The following MAP2 variants were observed in gnomAD, a reference collection of about 807,000 sequenced individuals.
MAP2 encodes the protein microtubule associated protein 2, also known as microtubule-associated protein 2.
Under a neutral mutation model 137.6 loss-of-function variants are expected in MAP2, and 14 were observed. That is an observed-to-expected ratio of 0.10 (90% CI 0.07 to 0.16). The LOEUF (loss-of-function observed/expected upper bound fraction) is 0.16, where lower values mean the gene tolerates loss of function less well. MAP2 is among the 10% of genes least tolerant of loss of function. The probability of loss-of-function intolerance (pLI) is 1.00; values close to 1 mark genes in which losing one functional copy is unlikely to be tolerated. For synonymous variants in MAP2, 786 were observed against 782.3 expected (o/e 1.00, Z -0.08); for missense variants, 2,088 against 2,191.5 (o/e 0.95, Z 0.94).
intron 5 of MAP2, among the ~76,000 whole-genome samples, chr2:209,668,361 C>T (rs76441158): frequency 0.012 from 1,888 of 152,014 alleles, 29 homozygotes; most frequent in African/African-American, 0.043. Flanking sequence ...TTTCAACAAA[C>T]GCCCCAGAGA....
chr2:209,609,423 T>C (rs532521753), intron 3 of MAP2, among the ~76,000 whole-genome samples: 131 of 152,266 alleles, frequency 8.6e-4, no homozygotes, highest in African/African-American at 2.4e-3. Context: ...AACAGAGTTA[T>C]GCAAGCATAT....
chr2:209,694,959 G>T lies in MAP2; in HGVS notation c.2789G>T (p.Ser930Ile). 6.2e-7 allele frequency: 1 copy of T among 1,614,188 alleles called. No individual in the cohort carries two copies. Among genetic ancestry groups the T allele is most frequent in the Non-Finnish European group, 8.5e-7 (1 of 1,180,030 alleles). ...GCCGGAAGAGTCAAAGATGAGTTCA[G>T]TGTTGACAAAGAAGCATCCGCGCAT... ...AAAGRVKDEFSVDKEASAHIS... is the reference protein window; with the variant it reads ...AAAGRVKDEFIVDKEASAHIS... Residue 930 changes from serine to isoleucine, a missense_variant, in exon 8 of 16, where the codon AGT becomes ATT. By Grantham distance (142) the Ser-to-Ile change is moderately radical. Transcript: ENST00000682079.
intron 5 of MAP2, among the ~76,000 whole-genome samples, chr2:209,677,694 TAGTC>T (rs1158818331): frequency 6.6e-6 from 1 of 152,008 alleles, no homozygotes; most frequent in Non-Finnish European, 1.5e-5. Context: ...AATATTATAA[TAGTC>T]AGGAATGCTA....
At chr2:209,426,088 G>T (rs1183632864) in intron 1 of MAP2, among the ~76,000 whole-genome samples, 1 of 152,114 alleles carries the variant, frequency 6.6e-6, no homozygotes, top group Non-Finnish European at 1.5e-5. Context: ...GATTATCATA[G>T]GTGTACATCT....
intron 1 of MAP2, among the ~76,000 whole-genome samples, chr2:209,453,647 T>C (rs142414298): frequency 6.6e-6 from 1 of 152,334 alleles, no homozygotes; most frequent in Non-Finnish European, 1.5e-5. Context: ...AAAGATTACA[T>C]AATATTCTGT....
At chr2:209,518,235 A>G (rs2062794130) in intron 2 of MAP2, among the ~76,000 whole-genome samples, 1 of 152,006 alleles carries the variant, frequency 6.6e-6, no homozygotes, top group South Asian at 2.1e-4. Flanking sequence ...GCAATGGCTT[A>G]CAGTCAAGAG....
At chr2:209,603,384 A>G (rs937364972) in intron 3 of MAP2, among the ~76,000 whole-genome samples, 2 of 152,154 alleles carry the variant, frequency 1.3e-5, no homozygotes, top group Admixed American at 6.6e-5. Flanking sequence ...CTTCAGAGTC[A>G]TTGTTTCATT....
At position 209,693,562 on chromosome 2, in the gene MAP2, A is replaced by T; in HGVS notation, c.1392A>T (p.Lys464Asn). The T allele has an allele frequency of 6.2e-7, 1 of 1,612,592 alleles. No individual in the cohort carries two copies. The highest frequency in any genetic ancestry group is 8.5e-7 in the Non-Finnish European group (1 of 1,179,720). Residue 464 changes from lysine to asparagine, a missense_variant, in exon 8 of 16, where the codon AAA becomes AAT. Around this residue, in one of 6 missense-constraint regions of MAP2, gnomAD observed 859 missense variants for 794.5 expected, o/e 1.08. Transcript: ENST00000682079. ...EAVPKESKPP[K>N]PADEEIGIIQ... ...TGCCAAAAGAGAGTAAACCCCCAAA[A>T]CCTGCAGATGAAGAAATAGGCATAA...
rs189940952 is a variant in MAP2, at chr2:209,562,620, C to G, written c.-171-17416C>G. Among the ~76,000 whole-genome samples, 122 of 152,056 alleles carry G rather than the reference C, an allele frequency of 8.0e-4. No homozygotes were observed. The East Asian group carries it at 9.1e-3, about 11-fold the overall frequency. ...GCTGAGGCAGGAGAGTCACTTGAACCCAGAAGGCGGAGGTTGCAGTGAGCC... is the reference window on the plus strand; with the variant it reads ...GCTGAGGCAGGAGAGTCACTTGAACGCAGAAGGCGGAGGTTGCAGTGAGCC... On this transcript the variant is annotated intron_variant, in intron 2 of 15. Transcript: ENST00000682079.
intron 13 of MAP2, chr2:209,723,561 A>G: frequency 7.8e-7 from 1 of 1,277,538 alleles, no homozygotes; most frequent in South Asian, 1.2e-5. Flanking sequence ...TTGATAGAAA[A>G]ATGCACAGTG....
chr2:209,701,769 A>T (rs2061825342), intron 11 of MAP2, among the ~76,000 whole-genome samples: 1 of 152,076 alleles, frequency 6.6e-6, no homozygotes, highest in Non-Finnish European at 1.5e-5. Flanking sequence ...TTTGGTGAAT[A>T]TTAGGCTTTA....
At chr2:209,549,614 T>C (rs545228043) in intron 2 of MAP2, among the ~76,000 whole-genome samples, 12 of 152,296 alleles carry the variant, frequency 7.9e-5, no homozygotes, top group East Asian at 1.9e-4. Flanking sequence ...GAACCTGATA[T>C]AGATTTAAAT....
chr2:209,467,331 C>T (rs1260255129), intron 1 of MAP2, among the ~76,000 whole-genome samples: 2 of 152,090 alleles, frequency 1.3e-5, no homozygotes, highest in East Asian at 3.9e-4. Flanking sequence ...CAAATTCCAT[C>T]TTCTGTCCTA....
At chr2:209,624,633 G>GC (rs1245507941) in intron 3 of MAP2, among the ~76,000 whole-genome samples, 1 of 152,150 alleles carries the variant, frequency 6.6e-6, no homozygotes, top group East Asian at 1.9e-4. Flanking sequence ...GAGAATCAAT[G>GC]CAGACTGGGC....
chr2:209,700,406 T>G, intron 11 of MAP2, 68 bp downstream of exon 11: 1 of 1,195,826 alleles, frequency 8.4e-7, no homozygotes, highest in Non-Finnish European at 1.2e-6. Context: ...AACATCAGAA[T>G]AACTTTTGAT....
At chr2:209,594,387 A>T (rs931169130) in intron 3 of MAP2, among the ~76,000 whole-genome samples, 1 of 152,136 alleles carries the variant, frequency 6.6e-6, no homozygotes, top group Non-Finnish European at 1.5e-5. Flanking sequence ...AATGTTCTGA[A>T]TAAGTTTCTT....
chr2:209,615,574 A>G (rs1393293528), intron 3 of MAP2, among the ~76,000 whole-genome samples: 1 of 152,182 alleles, frequency 6.6e-6, no homozygotes, highest in African/African-American at 2.4e-5. Flanking sequence ...CAAACATATA[A>G]CTTTATGTAA....
intron 13 of MAP2, among the ~76,000 whole-genome samples, chr2:209,716,343 T>A (rs1242536296): frequency 1.3e-5 from 2 of 152,208 alleles, no homozygotes; most frequent in African/African-American, 4.8e-5. Flanking sequence ...AGATGCATTC[T>A]TTTAGTGACA....
At chr2:209,464,861 C>A (rs1444264576) in intron 1 of MAP2, among the ~76,000 whole-genome samples, 1 of 151,902 alleles carries the variant, frequency 6.6e-6, no homozygotes, top group African/African-American at 2.4e-5. Flanking sequence ...AAAAAGTGTT[C>A]TTTTTATTGT....
Sources: gnomAD v4.1 joint callset for allele counts (sites outside exome capture counted in the v4.1 genomes callset) on GRCh38, gnomAD v4.1.1 for gene constraint, gnomAD v4.1.1 regional missense constraint, MANE v1.5 for transcripts, NCBI Gene and HGNC (gene_info 2026-07-23, HGNC 2026-07-21) for gene names.